The following PCDH9 variants were observed in gnomAD, a reference collection of about 807,000 sequenced individuals.
PCDH9 encodes protocadherin-9.
In PCDH9, 24 loss-of-function variants were observed where a neutral mutation model predicts 70.6. That is an observed-to-expected ratio of 0.34 (90% confidence interval 0.25 to 0.48). The LOEUF (loss-of-function observed/expected upper bound fraction) is 0.48. Among genes scored for constraint, PCDH9 ranks in the 20% least tolerant of loss-of-function variants. The probability of loss-of-function intolerance (pLI) is 0.99; values close to 1 mark genes in which losing one functional copy is unlikely to be tolerated. For synonymous variants in PCDH9, 562 were observed against 558.5 expected (o/e 1.01, Z -0.09); for missense variants, 1,281 against 1,503.6 (o/e 0.85, Z 2.45).
chr13:66,835,057 T>C (rs1398110633), intron 3 of PCDH9, among the ~76,000 whole-genome samples: 1 of 152,218 alleles, frequency 6.6e-6, no homozygotes, highest in Non-Finnish European at 1.5e-5. Flanking sequence ...CTGGGCTTGG[T>C]TCTGTGGAGA....
intron 4 of PCDH9, among the ~76,000 whole-genome samples, chr13:66,421,901 A>G (rs193157507): frequency 1.6e-4 from 25 of 152,354 alleles, no homozygotes; most frequent in Middle Eastern, 3.4e-3. Context: ...GGTGTGCTGT[A>G]TTCAGGAGAC....
chr13:67,113,483 A>T (rs1464972004), intron 2 of PCDH9, among the ~76,000 whole-genome samples: 6 of 152,172 alleles, frequency 3.9e-5, no homozygotes, highest in Admixed American at 6.5e-5. Flanking sequence ...TCTCGTCATT[A>T]ATAATTACTT....
chr13:66,963,474 G>C (rs2083382170), intron 2 of PCDH9, among the ~76,000 whole-genome samples: 1 of 152,034 alleles, frequency 6.6e-6, no homozygotes, highest in Admixed American at 6.6e-5. Context: ...GAATATCCAG[G>C]AGTTAGGTTC....
chr13:67,103,214 A>G (rs2086468117), intron 2 of PCDH9, among the ~76,000 whole-genome samples: 1 of 152,160 alleles, frequency 6.6e-6, no homozygotes, highest in Admixed American at 6.5e-5. Flanking sequence ...CAAGGAAAAT[A>G]ACACAAATCA....
chr13:67,227,309 G>T lies in PCDH9; in HGVS notation c.1132C>A (p.Pro378Thr). ...NGTVYLSEKD[P>T]VNTKIALITV... ...ATTAGGGCAATCTTTGTATTGACAG[G>T]ATCTTTCTCAGATAAATACACGGTG... The change falls in exon 2 of 5, where the codon CCT becomes ACT. Residue 378 changes from proline to threonine, a missense_variant. Physicochemically the swap from Pro to Thr is conservative, Grantham distance 38. Around this residue, in one of 4 missense-constraint regions of PCDH9, gnomAD observed 798 missense variants for 1,003.1 expected, o/e 0.80. Transcript: ENST00000377865. This position sits in a 1 kb window ranked among gnomAD's most constrained non-coding sequence, Gnocchi z 4.6. 6.2e-7 allele frequency: 1 copy of T among 1,613,566 alleles called. No individual in the cohort carries two copies. Among genetic ancestry groups the T allele is most frequent in the South Asian group, 1.1e-5 (1 of 91,052 alleles).
At chr13:66,686,733 A>C (rs376393980) in intron 3 of PCDH9, among the ~76,000 whole-genome samples, 5 of 152,254 alleles carry the variant, frequency 3.3e-5, no homozygotes, top group Admixed American at 2.0e-4. Context: ...ATAATTTTCT[A>C]ATAAACACTG....
In PCDH9 at chr13:66,518,832, G is replaced by A. The variant is rs1036049764; in HGVS notation, c.3340+112378C>T. On this transcript the variant is annotated intron_variant, in intron 4 of 4. Coordinates refer to ENST00000377865, the MANE Select transcript of PCDH9 (RefSeq NM_203487.3). Reference sequence around the variant, plus strand: ...GGCAGGGAATTTTAAAACTTTTCGAGTAAAAGAGACCAAAACCCAAACGCA... The same window carrying A: ...GGCAGGGAATTTTAAAACTTTTCGAATAAAAGAGACCAAAACCCAAACGCA... 2.0e-5 allele frequency among the ~76,000 whole-genome samples: 3 copies of A among 152,110 alleles called. No homozygotes were observed. In the South Asian group the frequency reaches 6.2e-4, roughly 32 times the overall value.
chr13:66,340,996 T>G (rs759596954), intron 4 of PCDH9, among the ~76,000 whole-genome samples: 1 of 152,216 alleles, frequency 6.6e-6, no homozygotes, highest in Non-Finnish European at 1.5e-5. Context: ...AGTCAGACAC[T>G]GAATCTATAT....
At chr13:66,775,816 G>A (rs1166344604) in intron 3 of PCDH9, among the ~76,000 whole-genome samples, 3 of 152,152 alleles carry the variant, frequency 2.0e-5, no homozygotes, top group Admixed American at 6.5e-5. Context: ...TCTCAACTGT[G>A]TGCAATGTTG....
At chr13:66,853,406 C>T (rs978234117) in intron 3 of PCDH9, among the ~76,000 whole-genome samples, 5 of 152,020 alleles carry the variant, frequency 3.3e-5, no homozygotes, top group African/African-American at 9.7e-5. Flanking sequence ...TTCTGGAGTC[C>T]CATCCATTTC....
chr13:66,976,873 C>G (rs373693248), intron 2 of PCDH9, among the ~76,000 whole-genome samples: 1 of 152,052 alleles, frequency 6.6e-6, no homozygotes, highest in African/African-American at 2.4e-5. Flanking sequence ...CCTTTATTAT[C>G]ATTTTTTCAT....
rs756033191 is a variant in PCDH9, at chr13:67,226,855, A to G, written c.1586T>C (p.Val529Ala). 8.1e-6 allele frequency: 13 copies of G among 1,614,024 alleles called. No homozygotes were observed. Among genetic ancestry groups the G allele is most frequent in the Non-Finnish European group, 1.7e-6 (2 of 1,180,030 alleles). The change falls in exon 2 of 5, where the codon GTA (valine) becomes GCA (alanine). Residue 529 changes from valine (V) to alanine (A), a missense_variant. Val to Ala is a moderately conservative substitution (Grantham distance 64, BLOSUM62 0). This residue lies in a region of PCDH9 where 798 missense variants were observed against 1,003.1 expected (regional missense o/e 0.80). Coordinates refer to ENST00000377865, the MANE Select transcript of PCDH9 (RefSeq NM_203487.3). The surrounding 1 kb of genome is among the most constrained non-coding windows in gnomAD (Gnocchi z 5.0). ...TCGTTCTTGTTCTTCTCTGTCAAAT[A>G]CTCTGGAGGCTGTCAAAACTCCTGT... Reference protein sequence around the residue: ...RKTGVLTASRVFDREEQERFI... With the variant: ...RKTGVLTASRAFDREEQERFI...
At chr13:67,038,482 T>C (rs1435802649) in intron 2 of PCDH9, among the ~76,000 whole-genome samples, 1 of 152,212 alleles carries the variant, frequency 6.6e-6, no homozygotes, top group Non-Finnish European at 1.5e-5. Context: ...TAACCTGGTA[T>C]GATGTTTACA....
At chr13:66,668,272 C>T (rs898640489) in intron 3 of PCDH9, among the ~76,000 whole-genome samples, 32 of 152,022 alleles carry the variant, frequency 2.1e-4, no homozygotes, top group African/African-American at 6.0e-4. Context: ...AAAGGCATGG[C>T]TTTTTTAGTA....
intron 3 of PCDH9, among the ~76,000 whole-genome samples, chr13:66,640,610 A>G (rs1349374045): frequency 6.6e-6 from 1 of 152,096 alleles, no homozygotes. Context: ...AAGGGAAAAG[A>G]TTGTAATTAC....
At chr13:67,143,608 G>A (rs1219723599) in intron 2 of PCDH9, among the ~76,000 whole-genome samples, 1 of 151,994 alleles carries the variant, frequency 6.6e-6, no homozygotes, top group Non-Finnish European at 1.5e-5. Context: ...CAACTCCATA[G>A]TATTTATATT....
At chr13:66,396,735 T>C (rs944261991) in intron 4 of PCDH9, among the ~76,000 whole-genome samples, 5 of 152,194 alleles carry the variant, frequency 3.3e-5, no homozygotes, top group Non-Finnish European at 7.3e-5. Flanking sequence ...CCCTTATTCA[T>C]ATGATGGTTG....
At chr13:66,724,297 G>T (rs980588568) in intron 3 of PCDH9, among the ~76,000 whole-genome samples, 7 of 152,022 alleles carry the variant, frequency 4.6e-5, no homozygotes, top group Admixed American at 2.0e-4. Flanking sequence ...GTTAAATTTG[G>T]ATCAGAATTA....
Position 67,230,073 on chromosome 13 carries a change from A to G in PCDH9, c.-429T>C, listed in dbSNP as rs41283954. The G allele has an allele frequency of 0.087, 13,258 of 152,344 alleles. 673 individuals are homozygous for G. Among genetic ancestry groups the G allele is most frequent in the Non-Finnish European group, 0.1 (6,867 of 68,082 alleles). The allele number at this position is 152,344 out of a possible 1,614,324, so 9.4% of individuals were successfully genotyped here. A position where few individuals can be genotyped will look rare whatever the true frequency, so the allele number is the denominator to read the frequency against. ...ACACATAGTTGCACTTCTTCAGCTC[A>G]GGGATATTTTCCACAGCAGCATGCA... On this transcript the variant is annotated 5_prime_UTR_variant, in exon 1 of 5. Coordinates refer to ENST00000377865, the MANE Select transcript of PCDH9 (RefSeq NM_203487.3).
Sources: gnomAD v4.1 joint callset for allele counts (sites outside exome capture counted in the v4.1 genomes callset) on GRCh38, gnomAD v4.1.1 for gene constraint, gnomAD v4.1.1 regional missense constraint, Gnocchi (gnomAD v3.1) non-coding constraint, MANE v1.5 for transcripts, NCBI Gene and HGNC (gene_info 2026-07-23, HGNC 2026-07-21) for gene names.